The following CAMTA1 variants were observed in gnomAD, a reference collection of about 807,000 sequenced individuals.
CAMTA1 encodes calmodulin-binding transcription activator 1.
In CAMTA1, 27 loss-of-function variants were observed where a neutral mutation model predicts 170.9. The observed-to-expected ratio is 0.16, with a 90% CI of 0.12 to 0.22. The LOEUF is 0.22. CAMTA1 is among the 10% of genes least tolerant of loss of function. The pLI, the probability that CAMTA1 is intolerant of heterozygous loss-of-function variation, is 1.00. For missense variants in CAMTA1, 1,619 were observed against 2,217.2 expected (o/e 0.73, Z 5.42); for synonymous variants, 833 against 891.5 (o/e 0.93, Z 1.17).
intron 5 of CAMTA1, among the ~76,000 whole-genome samples, chr1:7,284,148 T>C (rs1466514623): frequency 1.9e-5 from 2 of 107,148 alleles, no homozygotes; most frequent in African/African-American, 7.7e-5. Flanking sequence ...CTTCTTCTTC[T>C]TCTTCTTCTT....
chr1:7,293,429 AAG>A lies in CAMTA1; in HGVS notation c.438+43806_438+43807del, dbSNP rs139261855. On this transcript the variant is annotated intron_variant, in intron 5 of 22. Transcript: ENST00000303635. The surrounding 1 kb of genome is among the most constrained non-coding windows in gnomAD (Gnocchi z 4.1). Reference sequence around the variant, plus strand: ...TTTGGTCGTTTGTCAGTGAAGACAGAAGAGTCACAATGAGCCGATTTATAGAG... The same window carrying A: ...TTTGGTCGTTTGTCAGTGAAGACAGAAGTCACAATGAGCCGATTTATAGAG... Among the ~76,000 whole-genome samples, 1,662 of 152,296 alleles carry A rather than the reference AAG, an allele frequency of 0.011. 24 individuals carry two copies. Among genetic ancestry groups the A allele is most frequent in the African/African-American group, 0.037 (1,555 of 41,564 alleles).
chr1:7,201,017 G>T (rs1162791191), intron 4 of CAMTA1, among the ~76,000 whole-genome samples: 1 of 152,138 alleles, frequency 6.6e-6, no homozygotes, highest in African/African-American at 2.4e-5. Flanking sequence ...CAGAAGAAAT[G>T]CCATGTTATG....
chr1:7,717,782 T>C (rs979980442), intron 11 of CAMTA1, among the ~76,000 whole-genome samples: 9 of 152,096 alleles, frequency 5.9e-5, no homozygotes, highest in Non-Finnish European at 1.3e-4. Flanking sequence ...AAGGTGACCA[T>C]GAAGGAGCTG....
At chr1:7,590,393 G>A (rs2095346738) in intron 6 of CAMTA1, among the ~76,000 whole-genome samples, 1 of 152,162 alleles carries the variant, frequency 6.6e-6, no homozygotes, top group East Asian at 1.9e-4. Context: ...CAGTTTGGAT[G>A]AGTACTGGGA....
intron 5 of CAMTA1, among the ~76,000 whole-genome samples, chr1:7,432,951 C>T (rs1575294763): frequency 6.6e-6 from 1 of 152,300 alleles, no homozygotes; most frequent in Non-Finnish European, 1.5e-5. Context: ...GGTTCTGCAC[C>T]GGGGCCAGCC....
chr1:7,758,851 T>C (rs917040726), intron 22 of CAMTA1, among the ~76,000 whole-genome samples: 19 of 144,540 alleles, frequency 1.3e-4, no homozygotes, highest in East Asian at 4.1e-4. Flanking sequence ...AGGAGAATGG[T>C]GTGAATCCGG....
chr1:7,535,532 C>T (rs1442010236), intron 6 of CAMTA1, among the ~76,000 whole-genome samples: 1 of 152,196 alleles, frequency 6.6e-6, no homozygotes, highest in Non-Finnish European at 1.5e-5. Context: ...ATGGGCAAAG[C>T]TGCGCTTTCT....
chr1:6,871,651 G>A (rs919593696), intron 3 of CAMTA1: 11 of 918,310 alleles, frequency 1.2e-5, no homozygotes, highest in Non-Finnish European at 1.8e-5. Flanking sequence ...GGCTCTACAC[G>A]ACATCAGGAA....
intron 5 of CAMTA1, among the ~76,000 whole-genome samples, chr1:7,343,178 C>T (rs549133502): frequency 2.0e-5 from 3 of 152,176 alleles, no homozygotes; most frequent in African/African-American, 7.2e-5. Flanking sequence ...AATATCTTTC[C>T]GTGTTAAGTG....
At chr1:7,625,897 G>A (rs1436368156) in intron 6 of CAMTA1, among the ~76,000 whole-genome samples, 3 of 152,178 alleles carry the variant, frequency 2.0e-5, no homozygotes, top group Non-Finnish European at 2.9e-5. Flanking sequence ...TATTACCCGA[G>A]GAGGCTTACA....
At chr1:7,133,127 C>T (rs74051137) in intron 4 of CAMTA1, among the ~76,000 whole-genome samples, 3,162 of 152,002 alleles carry the variant, frequency 0.021, 94 homozygotes, top group African/African-American at 0.063. Context: ...ATGTTTCTTC[C>T]GCTCCTATAT....
chr1:7,011,365 A>G (rs1469502088), intron 3 of CAMTA1, among the ~76,000 whole-genome samples: 1 of 152,070 alleles, frequency 6.6e-6, no homozygotes, highest in East Asian at 1.9e-4. Flanking sequence ...ACTACTTTAA[A>G]AAACCCTTCC....
chr1:6,966,875 G>C (rs1245492181), intron 3 of CAMTA1, among the ~76,000 whole-genome samples: 3 of 151,524 alleles, frequency 2.0e-5, no homozygotes, highest in Non-Finnish European at 4.4e-5. Flanking sequence ...GCCTCCCAAA[G>C]TGTTGGGATT....
chr1:7,706,058 C>T (rs1045140426), intron 11 of CAMTA1, among the ~76,000 whole-genome samples: 2 of 152,202 alleles, frequency 1.3e-5, no homozygotes, highest in African/African-American at 4.8e-5. Context: ...AAGCATTTCT[C>T]TACAAATCAG....
chr1:6,847,410 G>A (rs1047652522), intron 3 of CAMTA1, among the ~76,000 whole-genome samples: 1 of 152,178 alleles, frequency 6.6e-6, no homozygotes, highest in Non-Finnish European at 1.5e-5. Context: ...AACGGAAGAA[G>A]GAAGTAGTTT....
At chr1:6,920,832 T>C (rs1411683521) in intron 3 of CAMTA1, among the ~76,000 whole-genome samples, 2 of 152,166 alleles carry the variant, frequency 1.3e-5, no homozygotes, top group Non-Finnish European at 2.9e-5. Flanking sequence ...AACTGGGACA[T>C]AGGGCACCAA....
intron 5 of CAMTA1, among the ~76,000 whole-genome samples, chr1:7,382,283 G>A (rs776983048): frequency 7.9e-5 from 12 of 152,246 alleles, no homozygotes; most frequent in Non-Finnish European, 1.6e-4. Flanking sequence ...CTCTGCCATA[G>A]AGTTAGATGC....
At chr1:7,011,453 C>A (rs944536753) in intron 3 of CAMTA1, among the ~76,000 whole-genome samples, 1 of 152,146 alleles carries the variant, frequency 6.6e-6, no homozygotes, top group Non-Finnish European at 1.5e-5. Context: ...TTTCTAGCGC[C>A]CTCTGAGACC....
At chr1:7,145,256 C>A (rs1055799783) in intron 4 of CAMTA1, among the ~76,000 whole-genome samples, 5 of 152,234 alleles carry the variant, frequency 3.3e-5, no homozygotes, top group African/African-American at 1.2e-4. Flanking sequence ...CGCTCCTCTG[C>A]GGCTTATGTG....
Sources: gnomAD v4.1 joint callset for allele counts (sites outside exome capture counted in the v4.1 genomes callset) on GRCh38, gnomAD v4.1.1 for gene constraint, Gnocchi (gnomAD v3.1) non-coding constraint, MANE v1.5 for transcripts, NCBI Gene and HGNC (gene_info 2026-07-23, HGNC 2026-07-21) for gene names.